FAXDC2: variants seen among roughly 807,000 people sequenced by gnomAD.
FAXDC2 encodes fatty acid hydroxylase domain-containing protein 2.
Under a neutral mutation model 40.9 loss-of-function variants are expected in FAXDC2, and 41 were observed. The observed-to-expected ratio is 1.00, with a 90% CI of 0.78 to 1.30. The LOEUF is 1.30. Among genes scored for constraint, FAXDC2 ranks in the 50% most tolerant of loss-of-function variants. The pLI is 0.00. For missense variants in FAXDC2, 390 were observed against 408.8 expected, an observed-to-expected ratio of 0.95 and a Z score of 0.40; for synonymous variants, 157 against 149.3, an observed-to-expected ratio of 1.05 and a Z score of -0.38.
Position 154,834,901 on chromosome 5 carries a change from C to G in FAXDC2, c.82G>C (p.Ala28Pro), listed in dbSNP as rs756030582. The G allele has an allele frequency of 1.2e-6, 2 of 1,607,424 alleles. No homozygotes were observed. Among genetic ancestry groups the G allele is most frequent in the Non-Finnish European group, 1.7e-6 (2 of 1,176,482 alleles). The change falls in exon 3 of 9, where the codon GCT becomes CCT. Residue 28 changes from alanine (A) to proline (P), a missense_variant. Physicochemically the swap from Ala to Pro is conservative, Grantham distance 27. Transcript: ENST00000326080. ...GHIWGSMRRT[A>P]FILGSGLLSF... ...AGAAGTCCAGAGCCCAGGATGAAAG[C>G]TGTCCTCCTCATAGAGCCCCAGATG...
Position 154,834,645 on chromosome 5 carries a change from T to C in FAXDC2, c.224A>G (p.Glu75Gly). The C allele has an allele frequency of 6.2e-7, 1 of 1,613,802 alleles. No homozygotes were observed. The highest frequency in any genetic ancestry group is 8.5e-7 in the Non-Finnish European group (1 of 1,179,704). Residue 75 changes from glutamate (E) to glycine (G), a missense_variant, in exon 4 of 9, where the codon GAG becomes GGG. Transcript: ENST00000326080. ...ERLLTTFEGK[E>G]WILFFIGAIQ... ...CTCACCTATAAAGAAGAGGATCCACTCCTTCCCTTCAAATGTAGTCAGCAG... is the reference window on the plus strand; with the variant it reads ...CTCACCTATAAAGAAGAGGATCCACCCCTTCCCTTCAAATGTAGTCAGCAG...
At chr5:154,843,941 G>A (rs979753072) in intron 1 of FAXDC2, among the ~76,000 whole-genome samples, 1 of 151,856 alleles carries the variant, frequency 6.6e-6, no homozygotes, top group Admixed American at 6.6e-5. Context: ...GTCTTGGGTC[G>A]GGTGCAGTGG....
At chr5:154,844,864 A>T (rs1760562737) in intron 1 of FAXDC2, among the ~76,000 whole-genome samples, 1 of 152,168 alleles carries the variant, frequency 6.6e-6, no homozygotes, top group Non-Finnish European at 1.5e-5. Flanking sequence ...CATGTTATGG[A>T]AACTGCGTAT....
intron 5 of FAXDC2, among the ~76,000 whole-genome samples, chr5:154,827,439 G>GTGTGTGTC (rs2113133160): frequency 6.6e-6 from 1 of 151,546 alleles, no homozygotes; most frequent in Admixed American, 6.6e-5. Flanking sequence ...GTGTGTGTGT[G>GTGTGTGTC]TGTGTGTGTG....
At chr5:154,850,349 C>G (rs1278177452) in intron 1 of FAXDC2, 134 bp downstream of exon 1, 1 of 152,250 alleles carries the variant, frequency 6.6e-6, no homozygotes, top group Non-Finnish European at 1.5e-5. Context: ...AGAGGCAAAT[C>G]TAACCCTGCC....
In FAXDC2 at chr5:154,820,043, G is replaced by A. The variant is rs191650143; in HGVS notation, c.*273C>T. ...CTCTCCTTCCACAGCAGAGGACCAG[G>A]GGTCTCCTCCCTCTGACCAGCCTCC... On this transcript the variant is annotated 3_prime_UTR_variant, in exon 9 of 9. Transcript: ENST00000326080. 2.2e-3 allele frequency: 729 copies of A among 328,340 alleles called. 3 individuals are homozygous for A. Among genetic ancestry groups the A allele is most frequent in the Non-Finnish European group, 2.6e-3 (437 of 166,650 alleles). 20.3% of individuals were successfully genotyped at this position (328,340 alleles called of 1,614,324 possible). A position where few individuals can be genotyped will look rare whatever the true frequency, so the allele number is the denominator to read the frequency against.
At chr5:154,844,975 C>T (rs1204986825) in intron 1 of FAXDC2, among the ~76,000 whole-genome samples, 1 of 152,214 alleles carries the variant, frequency 6.6e-6, no homozygotes, top group Non-Finnish European at 1.5e-5. Context: ...TGCTTACTTT[C>T]TGGTGGTGAG....
At chr5:154,832,381 T>C (rs979061293) in intron 4 of FAXDC2, among the ~76,000 whole-genome samples, 8 of 152,128 alleles carry the variant, frequency 5.3e-5, no homozygotes, top group African/African-American at 1.9e-4. Context: ...GCCCGACTAA[T>C]TTTTTGTATT....
At position 154,819,411 on chromosome 5, in the gene FAXDC2, T is replaced by G. The variant is rs1289922975; in HGVS notation, c.*905A>C. 2 of 152,112 alleles carry G rather than the reference T, an allele frequency of 1.3e-5. No individual in the cohort carries two copies. The highest frequency in any genetic ancestry group is 4.8e-5 in the African/African-American group (2 of 41,404). 9.4% of individuals were successfully genotyped at this position (152,112 alleles called of 1,614,324 possible). ...GATTTTGCTCTTTGCTCTGCCATGT[T>G]TTTCCGGGCTCTTTCTTCGGGGAGA... is the stretch of plus-strand genomic sequence containing the variant. On this transcript the variant is annotated 3_prime_UTR_variant, in exon 9 of 9. Coordinates refer to ENST00000326080, the MANE Select transcript of FAXDC2 (RefSeq NM_032385.5).
chr5:154,848,946 G>A (rs1038129164), intron 1 of FAXDC2, among the ~76,000 whole-genome samples: 10 of 151,486 alleles, frequency 6.6e-5, no homozygotes, highest in Non-Finnish European at 8.8e-5. Context: ...CAGCCTGGGC[G>A]CCAGAGCAAG....
chr5:154,843,362 A>T (rs1454750474), intron 1 of FAXDC2, among the ~76,000 whole-genome samples: 1 of 152,228 alleles, frequency 6.6e-6, no homozygotes, highest in Non-Finnish European at 1.5e-5. Context: ...GAGCTCATCC[A>T]TTCCTTCCAA....
rs756241882 is a variant in FAXDC2 at position 154,830,935 on chromosome 5, A to C, written c.245-13T>G. On this transcript the variant is annotated splice_polypyrimidine_tract_variant and intron_variant, in intron 4 of 8. Transcript: ENST00000326080. ...ACTTGGATGGCACCTGAGATTGGGA[A>C]ACAGAAACAGTCAGGGCGACTTTGG... The C allele has an allele frequency of 6.2e-7, 1 of 1,613,242 alleles. No individual in the cohort carries two copies. Among genetic ancestry groups the C allele is most frequent in the Non-Finnish European group, 8.5e-7 (1 of 1,179,242 alleles).
At chr5:154,839,584 G>T (rs1250427206) in intron 1 of FAXDC2, among the ~76,000 whole-genome samples, 2 of 151,726 alleles carry the variant, frequency 1.3e-5, no homozygotes, top group African/African-American at 4.8e-5. Context: ...GGAGATGGAG[G>T]CTGCAATGAG....
intron 4 of FAXDC2, among the ~76,000 whole-genome samples, chr5:154,833,780 G>T (rs1273477238): frequency 1.3e-5 from 2 of 151,706 alleles, no homozygotes; most frequent in East Asian, 3.9e-4. Context: ...GATTCTCCCT[G>T]CCTCAGCCTC....
Position 154,838,257 on chromosome 5 carries a change from G to C in FAXDC2, c.1-79C>G, listed in dbSNP as rs187921447. 9.0e-5 allele frequency: 118 copies of C among 1,312,046 alleles called. 1 individual carries two copies. The East Asian group carries it at 1.8e-3, about 20-fold the overall frequency. The allele number at this position is 1,312,046 out of a possible 1,614,324, so 81.3% of individuals were successfully genotyped here. A position where few individuals can be genotyped will look rare whatever the true frequency, so the allele number is the denominator to read the frequency against. On this transcript the variant is annotated intron_variant, in intron 1 of 8. Transcript: ENST00000326080. ...GAAGTAGGGAGTGGAGAAAGTCAAA[G>C]TGTATGGCTAGCAGTGATTTTTGAA...
At chr5:154,836,611 G>T (rs142349590) in intron 2 of FAXDC2, among the ~76,000 whole-genome samples, 113 of 152,264 alleles carry the variant, frequency 7.4e-4, no homozygotes, top group African/African-American at 2.6e-3. Flanking sequence ...CAGGGTGTCA[G>T]AGGGGATGTT....
At chr5:154,823,162 C>T (rs1035422372) in intron 6 of FAXDC2, 10 of 528,562 alleles carry the variant, frequency 1.9e-5, no homozygotes, top group South Asian at 1.9e-4. Context: ...CAAGTACACA[C>T]CACCATGCCT....
At chr5:154,823,705 G>C (rs6895742) in intron 5 of FAXDC2, 113 bp from the exon 6 acceptor site, 71,158 of 826,712 alleles carry the variant, frequency 0.086, 3,753 homozygotes, top group Admixed American at 0.18. Context: ...GATGTCGGGG[G>C]ACAGCCAGTA....
At chr5:154,831,842 G>A (rs1304388635) in intron 4 of FAXDC2, among the ~76,000 whole-genome samples, 3 of 151,886 alleles carry the variant, frequency 2.0e-5, no homozygotes, top group South Asian at 2.1e-4. Context: ...AAGGACACAC[G>A]TCTGTTTGTA....
Sources: gnomAD v4.1 joint callset for allele counts (sites outside exome capture counted in the v4.1 genomes callset) on GRCh38, gnomAD v4.1.1 for gene constraint, MANE v1.5 for transcripts, NCBI Gene and HGNC (gene_info 2026-07-23, HGNC 2026-07-21) for gene names.